DDAH1: variants seen among roughly 807,000 people sequenced by gnomAD.
DDAH1 encodes the protein dimethylarginine dimethylaminohydrolase 1, also known as N(G),N(G)-dimethylarginine dimethylaminohydrolase 1.
Under a neutral mutation model 28.8 loss-of-function variants are expected in DDAH1, and 19 were observed. The observed-to-expected ratio is 0.66, with a 90% CI of 0.46 to 0.97. DDAH1 has a LOEUF of 0.97. Among genes scored for constraint, DDAH1 ranks in the 50% least tolerant of loss-of-function variants. DDAH1 has a pLI of 0.00. For missense variants in DDAH1, 326 were observed against 375.9 expected, an observed-to-expected ratio of 0.87 and a Z score of 1.10; for synonymous variants, 153 against 154.4, an observed-to-expected ratio of 0.99 and a Z score of 0.07.
chr1:85,396,317 A>C (rs1190630660), intron 1 of DDAH1, among the ~76,000 whole-genome samples: 1 of 152,176 alleles, frequency 6.6e-6, no homozygotes, highest in Non-Finnish European at 1.5e-5. Context: ...TGGGCATCTG[A>C]CAAAAGCCTC....
At chr1:85,458,245 C>T (rs1247293465) in intron 1 of DDAH1, among the ~76,000 whole-genome samples, 1 of 152,068 alleles carries the variant, frequency 6.6e-6, no homozygotes, top group Non-Finnish European at 1.5e-5. Flanking sequence ...ATGCTGATTC[C>T]TCTTGTCATA....
chr1:85,415,420 C>T (rs1652848469), intron 1 of DDAH1, among the ~76,000 whole-genome samples: 1 of 152,178 alleles, frequency 6.6e-6, no homozygotes, highest in Non-Finnish European at 1.5e-5. Flanking sequence ...GCCAGCTCTA[C>T]TTCTAGAAAT....
At chr1:85,433,117 C>T (rs1242320531) in intron 1 of DDAH1, among the ~76,000 whole-genome samples, 1 of 152,040 alleles carries the variant, frequency 6.6e-6, no homozygotes, top group African/African-American at 2.4e-5. Context: ...TACATACATA[C>T]ATATATAATT....
Position 85,350,544 on chromosome 1 carries a change from C to T in DDAH1, c.478-10G>A. The T allele has an allele frequency of 6.2e-7, 1 of 1,608,792 alleles. No homozygotes were observed. The highest frequency in any genetic ancestry group is 8.5e-7 in the Non-Finnish European group (1 of 1,178,674). The stretch of plus-strand genomic sequence containing the variant: ...TGGAGACTGCATAGTCCTACGTGGA[C>T]AATAGAAAAACAAGCAGTTTAGTAT... On this transcript the variant is annotated splice_polypyrimidine_tract_variant and intron_variant, in intron 3 of 5. Transcript: ENST00000284031.
At chr1:85,439,198 C>T (rs1413867679) in intron 1 of DDAH1, among the ~76,000 whole-genome samples, 4 of 152,140 alleles carry the variant, frequency 2.6e-5, no homozygotes, top group Non-Finnish European at 4.4e-5. Flanking sequence ...ATGAATGTTC[C>T]AGCTTAGGCT....
chr1:85,577,943 CA>C (rs1295514525), intron 1 of DDAH1: 7 of 984,792 alleles, frequency 7.1e-6, no homozygotes, highest in Non-Finnish European at 8.4e-6. Context: ...GAGAAACTAG[CA>C]AAAGAGCCAT....
At chr1:85,349,025 G>C (rs1649037117) in intron 4 of DDAH1, among the ~76,000 whole-genome samples, 2 of 152,130 alleles carry the variant, frequency 1.3e-5, no homozygotes, top group African/African-American at 4.8e-5. Flanking sequence ...AGGTACCACG[G>C]ATAGATACCA....
intron 1 of DDAH1, among the ~76,000 whole-genome samples, chr1:85,523,188 G>A (rs1473112722): frequency 6.6e-6 from 1 of 152,170 alleles, no homozygotes; most frequent in Non-Finnish European, 1.5e-5. Context: ...ATTCAAAGCT[G>A]AGGGAATACC....
chr1:85,570,729 A>G (rs902133516), intron 1 of DDAH1, among the ~76,000 whole-genome samples: 3 of 152,212 alleles, frequency 2.0e-5, no homozygotes, highest in African/African-American at 4.8e-5. Context: ...AGGAATGTTC[A>G]CGTGATGGCA....
intron 1 of DDAH1, among the ~76,000 whole-genome samples, chr1:85,400,809 G>T (rs1652064971): frequency 6.6e-6 from 1 of 152,146 alleles, no homozygotes; most frequent in Non-Finnish European, 1.5e-5. Flanking sequence ...ATCTGTAACA[G>T]TGTGTAGACC....
chr1:85,550,757 A>C (rs1200966032), intron 1 of DDAH1, among the ~76,000 whole-genome samples: 1 of 152,096 alleles, frequency 6.6e-6, no homozygotes, highest in Non-Finnish European at 1.5e-5. Context: ...AAACACACAC[A>C]CACACACACA....
chr1:85,501,000 A>G (rs776297701), intron 1 of DDAH1, among the ~76,000 whole-genome samples: 15 of 152,024 alleles, frequency 9.9e-5, no homozygotes, highest in Non-Finnish European at 1.5e-4. Context: ...TTTTAAACAT[A>G]TTTATAAGAG....
intron 1 of DDAH1, among the ~76,000 whole-genome samples, chr1:85,396,171 T>C (rs1397658135): frequency 6.6e-6 from 1 of 152,204 alleles, no homozygotes; most frequent in Non-Finnish European, 1.5e-5. Context: ...TGAATCTTTT[T>C]GACAAACTTC....
At chr1:85,536,361 T>C (rs1406517229) in intron 1 of DDAH1, among the ~76,000 whole-genome samples, 1 of 151,884 alleles carries the variant, frequency 6.6e-6, no homozygotes, top group East Asian at 1.9e-4. Flanking sequence ...GAGACCATCC[T>C]GGCCAACATG....
intron 1 of DDAH1, among the ~76,000 whole-genome samples, chr1:85,518,950 C>A (rs1212350396): frequency 6.6e-6 from 1 of 151,984 alleles, no homozygotes; most frequent in Admixed American, 6.6e-5. Flanking sequence ...GCTATGTAGC[C>A]ATTAGAAAGA....
At chr1:85,454,510 G>C (rs898644536) in intron 1 of DDAH1, among the ~76,000 whole-genome samples, 9 of 152,206 alleles carry the variant, frequency 5.9e-5, no homozygotes, top group Non-Finnish European at 1.0e-4. Context: ...CTATAAAGAG[G>C]CTGAATGGTG....
chr1:85,515,609 A>C (rs1429454615), intron 1 of DDAH1, among the ~76,000 whole-genome samples: 5 of 151,596 alleles, frequency 3.3e-5, no homozygotes, highest in Non-Finnish European at 7.4e-5. Flanking sequence ...GTCAAGACTC[A>C]TCTCAAAGAC....
chr1:85,394,075 A>T (rs946519455), intron 1 of DDAH1, among the ~76,000 whole-genome samples: 4 of 152,242 alleles, frequency 2.6e-5, no homozygotes, highest in African/African-American at 9.6e-5. Flanking sequence ...ATAATATTTC[A>T]TCAGAAAAAC....
At chr1:85,436,184 A>G (rs1428390760) in intron 1 of DDAH1, among the ~76,000 whole-genome samples, 2 of 152,194 alleles carry the variant, frequency 1.3e-5, no homozygotes, top group Non-Finnish European at 2.9e-5. Flanking sequence ...GGTCTCCTTA[A>G]CAGAATATTA....
Sources: allele counts gnomAD v4.1 joint callset (sites outside exome capture counted in the v4.1 genomes callset), GRCh38; gene constraint gnomAD v4.1.1; transcripts MANE v1.5; gene names NCBI Gene and HGNC (gene_info 2026-07-23, HGNC 2026-07-21).